The following RHBDF2 variants were observed in gnomAD, a reference collection of about 807,000 sequenced individuals.
The protein encoded by RHBDF2 is inactive rhomboid protein 2.
Under a neutral mutation model 95.2 loss-of-function variants are expected in RHBDF2, and 38 were observed. The observed-to-expected ratio is 0.40, with a 90% CI of 0.31 to 0.52. The LOEUF (loss-of-function observed/expected upper bound fraction) is 0.52, where lower values mean the gene tolerates loss of function less well. Among genes scored for constraint, RHBDF2 ranks in the 20% least tolerant of loss-of-function variants. The pLI is 0.56. For missense variants in RHBDF2, 863 were observed against 1,137.7 expected (o/e 0.76, Z 3.47); for synonymous variants, 442 against 462.0 (o/e 0.96, Z 0.55).
intron 6 of RHBDF2, among the ~76,000 whole-genome samples, chr17:76,478,416 T>C (rs1202552271): frequency 6.6e-6 from 1 of 152,212 alleles, no homozygotes; most frequent in African/African-American, 2.4e-5. Context: ...CCACCCTGAA[T>C]GGTGACCCTC....
At position 76,473,543 on chromosome 17, in the gene RHBDF2, G is replaced by A. The variant is rs976134127; in HGVS notation, c.1733+105C>T. On this transcript the variant is annotated intron_variant, in intron 15 of 18. Coordinates refer to ENST00000675367, the MANE Select transcript of RHBDF2 (RefSeq NM_001005498.4). ...CAAAGGACAGTTATTGGAGGGCATC[G>A]GCCCAGCGGCTGTGGGTGGTGACGG... 106 of 1,053,166 alleles carry A rather than the reference G, an allele frequency of 1.0e-4. No homozygotes were observed. In the African/African-American group the frequency reaches 1.1e-3, roughly 11 times the overall value. 65.2% of individuals were successfully genotyped at this position (1,053,166 alleles called of 1,614,324 possible).
At position 76,478,385 on chromosome 17, in the gene RHBDF2, A is replaced by G. The variant is rs568857510; in HGVS notation, c.672+421T>C. Among the ~76,000 whole-genome samples the G allele has an allele frequency of 1.8e-4, 28 of 152,272 alleles. No individual in the cohort carries two copies. The Middle Eastern group carries it at 0.014, about 74-fold the overall frequency. On this transcript the variant is annotated intron_variant, in intron 6 of 18. Coordinates refer to ENST00000675367, the MANE Select transcript of RHBDF2 (RefSeq NM_001005498.4). ...GCTTAACTCAATGTCTTCCCTGATAACAGCCGCTCTCCTAAACTGACCACC... is the reference window on the plus strand; with the variant it reads ...GCTTAACTCAATGTCTTCCCTGATAGCAGCCGCTCTCCTAAACTGACCACC...
chr17:76,484,594 C>A (rs1189893425), intron 2 of RHBDF2, among the ~76,000 whole-genome samples: 1 of 151,550 alleles, frequency 6.6e-6, no homozygotes, highest in Non-Finnish European at 1.5e-5. Flanking sequence ...TGAGACTGAT[C>A]ATTCTCCGCA....
intron 3 of RHBDF2, among the ~76,000 whole-genome samples, chr17:76,480,707 C>T (rs1371859059): frequency 6.6e-6 from 1 of 152,168 alleles, no homozygotes; most frequent in African/African-American, 2.4e-5. Context: ...TTTAAAATCG[C>T]CATTGTCTAA....
rs2073723074 is a variant in RHBDF2 at position 76,475,024 on chromosome 17, A to C, written c.1227+6T>G. Reference sequence around the variant, plus strand: ...GACCCCCAGCATGGAGCCTGACCCGACTCACCAGCTGGGTGGTGACGTGCT... The same window carrying C: ...GACCCCCAGCATGGAGCCTGACCCGCCTCACCAGCTGGGTGGTGACGTGCT... On this transcript the variant is annotated splice_donor_region_variant and intron_variant, in intron 10 of 18. Transcript: ENST00000675367. 6.4e-7 allele frequency: 1 copy of C among 1,571,958 alleles called. No individual in the cohort carries two copies. The highest frequency in any genetic ancestry group is 1.3e-5 in the African/African-American group (1 of 74,296).
At position 76,478,848 on chromosome 17, in the gene RHBDF2, A is replaced by G. The variant is rs2073854216; in HGVS notation, c.630T>C (p.Ser210=). ...YSHLPRRKRM[S]VAHMSLQAAA... Reference sequence around the variant, plus strand: ...CAGCTTGCAAGCTCATGTGGGCCACAGACATTCTCTTGCGGCGTGGCAGGT... The same window carrying G: ...CAGCTTGCAAGCTCATGTGGGCCACGGACATTCTCTTGCGGCGTGGCAGGT... The change falls in exon 6 of 19, where the codon TCT becomes TCC. Residue 210 remains serine (S), a synonymous_variant. Transcript: ENST00000675367. 7 of 1,613,696 alleles carry G rather than the reference A, an allele frequency of 4.3e-6. No individual in the cohort carries two copies. The highest frequency in any genetic ancestry group is 1.1e-5 in the South Asian group (1 of 91,014).
Position 76,474,529 on chromosome 17 carries a change from G to T in RHBDF2, c.1308C>A (p.Asp436Glu), listed in dbSNP as rs376653008. 1.4e-5 allele frequency: 22 copies of T among 1,613,994 alleles called. No individual in the cohort carries two copies. The African/African-American group carries it at 2.8e-4, about 21-fold the overall frequency. ...AGAACTTGGCCCCCAGGTGGATCAG[G>T]TCAATCTGGGGAAGGGAAAGGGAGG... ...ENFWVGPSSI[D>E]LIHLGAKFSP... Residue 436 changes from aspartate to glutamate, a missense_variant, in exon 12 of 19, where the codon GAC becomes GAA. By Grantham distance (45) the Asp-to-Glu change is conservative (BLOSUM62 2). Around this residue, in one of 2 missense-constraint regions of RHBDF2, gnomAD observed 611 missense variants for 725.5 expected, o/e 0.84. Coordinates refer to ENST00000675367, the MANE Select transcript of RHBDF2 (RefSeq NM_001005498.4).
chr17:76,475,420 C>G (rs753017531), intron 9 of RHBDF2, among the ~76,000 whole-genome samples: 6 of 152,208 alleles, frequency 3.9e-5, no homozygotes, highest in Non-Finnish European at 8.8e-5. Context: ...TCTCTGGCCT[C>G]TTTGCCTGCA....
chr17:76,472,963 C>T, intron 17 of RHBDF2, 42 bp downstream of exon 17: 2 of 1,605,160 alleles, frequency 1.2e-6, no homozygotes, highest in East Asian at 4.5e-5. Context: ...GCTGGGTGGC[C>T]ATCACAGGGG....
At position 76,474,065 on chromosome 17, in the gene RHBDF2, C is replaced by T. The variant is rs199821927; in HGVS notation, c.1542G>A (p.Arg514=). 1 of 1,613,146 alleles carries T rather than the reference C, an allele frequency of 6.2e-7. No individual in the cohort carries two copies. The highest frequency in any genetic ancestry group is 2.2e-5 in the East Asian group (1 of 44,880). Residue 514 remains arginine (R), a synonymous_variant, in exon 13 of 19, where the codon CGG becomes CGA. Coordinates refer to ENST00000675367, the MANE Select transcript of RHBDF2 (RefSeq NM_001005498.4). ...CCTGGTGGCAGACAGCCCCCGAAGT[C>T]CGCTTCTGGCCCAGATCAGACTTGT... ...PMDKSDLGQK[R]TSGAVCHQDP...
Position 76,478,925 on chromosome 17 carries a change from G to C in RHBDF2, c.553C>G (p.Pro185Ala), listed in dbSNP as rs943708565. The change falls in exon 6 of 19, where the codon CCC becomes GCC. Residue 185 changes from proline to alanine, a missense_variant. Pro to Ala is a conservative substitution (Grantham distance 27). This residue lies in a region of RHBDF2 where 611 missense variants were observed against 725.5 expected (regional missense o/e 0.84). Transcript: ENST00000675367. Reference protein sequence around the residue: ...RPHAPHPPLTPGVLSLTSFTS... With the variant: ...RPHAPHPPLTAGVLSLTSFTS... ...AAGGAGGTGAGGGACAGGACTCCGG[G>C]GGTCAGCGGTGGGTGCGGGGCGTGG... 1 of 1,607,050 alleles carries C rather than the reference G, an allele frequency of 6.2e-7. No homozygotes were observed. Among genetic ancestry groups the C allele is most frequent in the Non-Finnish European group, 8.5e-7 (1 of 1,176,292 alleles).
intron 1 of RHBDF2, among the ~76,000 whole-genome samples, chr17:76,494,222 G>A (rs1022949395): frequency 2.0e-5 from 3 of 152,224 alleles, no homozygotes; most frequent in African/African-American, 4.8e-5. Context: ...CCAGTTGCCA[G>A]CAGGGATGGC....
At position 76,473,828 on chromosome 17, in the gene RHBDF2, G is replaced by A; in HGVS notation, c.1638+11C>T. On this transcript the variant is annotated intron_variant, in intron 14 of 18. Coordinates refer to ENST00000675367, the MANE Select transcript of RHBDF2 (RefSeq NM_001005498.4). ...GACCTTCCCAGACCACTCCCCGCCA[G>A]GGACACTCACCGGCCACTTAGTGAT... 6.2e-7 allele frequency: 1 copy of A among 1,614,060 alleles called. No individual in the cohort carries two copies. Among genetic ancestry groups the A allele is most frequent in the Non-Finnish European group, 8.5e-7 (1 of 1,179,982 alleles).
chr17:76,473,160 C>T, intron 16 of RHBDF2, 55 bp from the exon 17 acceptor site: 2 of 1,591,496 alleles, frequency 1.3e-6, no homozygotes, highest in South Asian at 2.2e-5. Flanking sequence ...GTCTGAGGCT[C>T]CGACATGGGA....
chr17:76,474,270 G>T, intron 12 of RHBDF2, 103 bp downstream of exon 12: 1 of 1,408,822 alleles, frequency 7.1e-7, no homozygotes, highest in Non-Finnish European at 9.8e-7. Flanking sequence ...GGAAAGGTGG[G>T]GCGGGGAGGA....
chr17:76,500,928 G>A (rs540757071), intron 1 of RHBDF2: 7 of 152,624 alleles, frequency 4.6e-5, no homozygotes, highest in Admixed American at 4.6e-4. Flanking sequence ...GGTCCGCCCG[G>A]TGCTCACCCG....
At position 76,481,685 on chromosome 17, in the gene RHBDF2, T is replaced by C. The variant is rs933008063; in HGVS notation, c.-21-140A>G. On this transcript the variant is annotated intron_variant, in intron 2 of 18. Transcript: ENST00000675367. ...AACATCTCTGGGCGGCTGGGCGCGGTGGCTCACGCCTGTAATCCCAGCACT... is the reference window on the plus strand; with the variant it reads ...AACATCTCTGGGCGGCTGGGCGCGGCGGCTCACGCCTGTAATCCCAGCACT... 4.2e-6 allele frequency: 3 copies of C among 715,316 alleles called. No individual in the cohort carries two copies. The Admixed American group carries it at 8.8e-5, about 21-fold the overall frequency. The allele number at this position is 715,316 out of a possible 1,614,324, so 44.3% of individuals were successfully genotyped here.
chr17:76,473,456 T>A (rs2073655719), intron 15 of RHBDF2, 129 bp from the exon 16 acceptor site: 1 of 998,278 alleles, frequency 1.0e-6, no homozygotes, highest in East Asian at 2.6e-5. Context: ...TCCAGAACCT[T>A]CGACTCTGGA....
At chr17:76,490,083 G>A (rs1488918711) in intron 1 of RHBDF2, among the ~76,000 whole-genome samples, 1 of 152,210 alleles carries the variant, frequency 6.6e-6, no homozygotes, top group African/African-American at 2.4e-5. Context: ...CCAGAGGCTG[G>A]GGAGTAGCCC....
Sources: allele counts gnomAD v4.1 joint callset (sites outside exome capture counted in the v4.1 genomes callset), GRCh38; gene constraint gnomAD v4.1.1; regional missense constraint gnomAD v4.1.1; transcripts MANE v1.5; gene names NCBI Gene and HGNC (gene_info 2026-07-23, HGNC 2026-07-21).